Variants in LRP1B observed in about 807,000 individuals in gnomAD.
LRP1B encodes low-density lipoprotein receptor-related protein 1B.
Under a neutral mutation model 556.6 loss-of-function variants are expected in LRP1B, and 217 were observed. The ratio of observed to expected loss-of-function variants is 0.39; its 90% CI spans 0.35 to 0.44. LRP1B has a LOEUF of 0.44. Ranked by LOEUF, LRP1B falls within the 20% of genes least tolerant of loss-of-function variation. The pLI, the probability that LRP1B is intolerant of heterozygous loss-of-function variation, is 1.00. For synonymous variants in LRP1B, 2,047 were observed against 1,865.8 expected (o/e 1.10, Z -2.50); for missense variants, 5,053 against 5,620.8 (o/e 0.90, Z 3.23).
chr2:141,610,351 A>T (rs998666211), intron 2 of LRP1B, among the ~76,000 whole-genome samples: 16 of 151,690 alleles, frequency 1.1e-4, no homozygotes, highest in Non-Finnish European at 1.5e-5. Context: ...AATAAAAAGA[A>T]ACCCTATTTC....
At chr2:140,388,829 T>G (rs1683882178) in intron 66 of LRP1B, among the ~76,000 whole-genome samples, 1 of 152,152 alleles carries the variant, frequency 6.6e-6, no homozygotes, top group African/African-American at 2.4e-5. Context: ...TTAAAATATC[T>G]CTTTGCCCAA....
At chr2:140,872,136 G>C (rs1476501032) in intron 25 of LRP1B, among the ~76,000 whole-genome samples, 3 of 65,974 alleles carry the variant, frequency 4.5e-5, no homozygotes, top group African/African-American at 1.8e-4. Flanking sequence ...ACTGAATTCT[G>C]TTTTCTTTAT....
intron 3 of LRP1B, among the ~76,000 whole-genome samples, chr2:141,359,252 A>G (rs1688731238): frequency 7.1e-6 from 1 of 141,820 alleles, no homozygotes; most frequent in South Asian, 2.3e-4. Context: ...TAATAAAGAC[A>G]AGGACAAAAT....
chr2:141,622,811 T>A (rs1437874637), intron 2 of LRP1B, among the ~76,000 whole-genome samples: 1 of 152,192 alleles, frequency 6.6e-6, no homozygotes, highest in Non-Finnish European at 1.5e-5. Context: ...CATTCCAAAT[T>A]TGTCAGGTTA....
intron 58 of LRP1B, 68 bp downstream of exon 58, chr2:140,487,549 C>A (rs1418525868): frequency 6.9e-7 from 1 of 1,449,160 alleles, no homozygotes; most frequent in Non-Finnish European, 9.6e-7. Flanking sequence ...CATAAAATAA[C>A]ATTTTCTATA....
In LRP1B at chr2:140,338,115, C is replaced by T. The variant is rs542564086; in HGVS notation, c.11893-2277G>A. Among the ~76,000 whole-genome samples, 55 of 151,740 alleles carry T rather than the reference C, an allele frequency of 3.6e-4. 1 individual carries two copies. The highest frequency in any genetic ancestry group is 2.3e-3 in the South Asian group (11 of 4,824). On this transcript the variant is annotated intron_variant, in intron 77 of 90. Transcript: ENST00000389484. ...TGATAAGTACAAGTTATATTGATGACTTGCAGAGCCATTTAATATATACAT... is the reference window on the plus strand; with the variant it reads ...TGATAAGTACAAGTTATATTGATGATTTGCAGAGCCATTTAATATATACAT...
intron 32 of LRP1B, among the ~76,000 whole-genome samples, chr2:140,790,783 C>T (rs139340182): frequency 5.9e-5 from 9 of 152,172 alleles, no homozygotes; most frequent in African/African-American, 1.9e-4. Context: ...AATCACCCTG[C>T]AAAATCTCTG....
intron 1 of LRP1B, among the ~76,000 whole-genome samples, chr2:141,882,448 T>G (rs1159773927): frequency 1.3e-5 from 2 of 152,138 alleles, no homozygotes; most frequent in African/African-American, 4.8e-5. Flanking sequence ...TGCTTATAGA[T>G]TGTTTGCAGC....
At chr2:141,922,412 C>T (rs188715521) in intron 1 of LRP1B, among the ~76,000 whole-genome samples, 1 of 152,266 alleles carries the variant, frequency 6.6e-6, no homozygotes, top group Non-Finnish European at 1.5e-5. Context: ...AAAATGTATG[C>T]TACTGTTTAC....
At chr2:140,830,270 C>A (rs1691669175) in intron 31 of LRP1B, among the ~76,000 whole-genome samples, 1 of 152,006 alleles carries the variant, frequency 6.6e-6, no homozygotes, top group Admixed American at 6.6e-5. Flanking sequence ...AAGAGGCCAG[C>A]ATTTCCCTGA....
chr2:141,571,806 C>T (rs1370948661), intron 2 of LRP1B, among the ~76,000 whole-genome samples: 1 of 151,748 alleles, frequency 6.6e-6, no homozygotes, highest in African/African-American at 2.4e-5. Context: ...ACAGCCAAAT[C>T]AACCAAGCAG....
At chr2:140,467,228 C>T (rs80336081) in intron 60 of LRP1B, among the ~76,000 whole-genome samples, 2,330 of 152,114 alleles carry the variant, frequency 0.015, 61 homozygotes, top group African/African-American at 0.051. Context: ...CTCTAATATG[C>T]AACTATCCCA....
At chr2:141,254,385 C>T in intron 4 of LRP1B, 137 bp downstream of exon 4, 2 of 802,428 alleles carry the variant, frequency 2.5e-6, no homozygotes, top group Non-Finnish European at 3.8e-6. Flanking sequence ...GTTGGGGGGG[C>T]AACTTTTAAA....
At chr2:140,294,178 AG>A (rs1468352601) in intron 84 of LRP1B, among the ~76,000 whole-genome samples, 1 of 152,160 alleles carries the variant, frequency 6.6e-6, no homozygotes, top group Non-Finnish European at 1.5e-5. Flanking sequence ...TAAAAACAAG[AG>A]GGGAAAATGA....
intron 2 of LRP1B, among the ~76,000 whole-genome samples, chr2:141,513,364 A>G (rs1684198205): frequency 6.6e-6 from 1 of 152,098 alleles, no homozygotes; most frequent in African/African-American, 2.4e-5. Flanking sequence ...ATTTTTTTCT[A>G]AATGAATGAC....
chr2:141,088,071 G>A (rs1700089654), intron 7 of LRP1B, among the ~76,000 whole-genome samples: 1 of 151,922 alleles, frequency 6.6e-6, no homozygotes, highest in Non-Finnish European at 1.5e-5. Context: ...GGGGAAGAAG[G>A]GTACAAAAAG....
chr2:140,558,501 C>G (rs1455257744), intron 43 of LRP1B, among the ~76,000 whole-genome samples: 1 of 152,100 alleles, frequency 6.6e-6, no homozygotes, highest in Non-Finnish European at 1.5e-5. Flanking sequence ...TCAGAAAGGA[C>G]CACATATTAT....
intron 3 of LRP1B, among the ~76,000 whole-genome samples, chr2:141,472,281 C>T (rs1682504067): frequency 1.3e-5 from 2 of 152,196 alleles, no homozygotes; most frequent in Admixed American, 6.5e-5. Flanking sequence ...CACAGTGGCT[C>T]ATGCCTGTAA....
intron 6 of LRP1B, among the ~76,000 whole-genome samples, chr2:141,222,483 T>A (rs1193878588): frequency 6.6e-6 from 1 of 152,192 alleles, no homozygotes; most frequent in Admixed American, 6.5e-5. Flanking sequence ...CTTCTGAAAC[T>A]ATTCCAAGCA....
Sources: gnomAD v4.1 joint callset for allele counts (sites outside exome capture counted in the v4.1 genomes callset) on GRCh38, gnomAD v4.1.1 for gene constraint, MANE v1.5 for transcripts, NCBI Gene and HGNC (gene_info 2026-07-23, HGNC 2026-07-21) for gene names.